Variants in PCDH15 observed in about 807,000 individuals in gnomAD.
PCDH15 encodes protocadherin related 15, also known as protocadherin-15.
PCDH15 carries 129 observed loss-of-function variants against 178.5 expected under a neutral mutation model. That is an observed-to-expected ratio of 0.72 (90% CI 0.63 to 0.84). The LOEUF is 0.84. Ranked by LOEUF, PCDH15 falls within the 40% of genes least tolerant of loss-of-function variation. The pLI is 0.00. For missense variants in PCDH15, 2,230 were observed against 2,099.9 expected (o/e 1.06, Z -1.21); for synonymous variants, 800 against 732.0 (o/e 1.09, Z -1.50).
At chr10:55,085,741 A>G (rs1445493439) in intron 2 of PCDH15, among the ~76,000 whole-genome samples, 2 of 151,896 alleles carry the variant, frequency 1.3e-5, no homozygotes, top group Non-Finnish European at 2.9e-5. Context: ...AATTGGTCTG[A>G]GCAAGTTTAG....
At chr10:54,614,475 AAAGTC>A (rs2093066578) in intron 2 of PCDH15, among the ~76,000 whole-genome samples, 1 of 152,094 alleles carries the variant, frequency 6.6e-6, no homozygotes, top group Non-Finnish European at 1.5e-5. Flanking sequence ...AAAGCTTTTC[AAAGTC>A]AAGTACTTTA....
intron 1 of PCDH15, among the ~76,000 whole-genome samples, chr10:55,255,238 TG>T (rs1841962029): frequency 3.9e-4 from 2 of 5,176 alleles, no homozygotes; most frequent in Non-Finnish European, 2.6e-3. Context: ...TTGCTGAGAA[TG>T]ATGATTTCCA....
intron 2 of PCDH15, among the ~76,000 whole-genome samples, chr10:55,099,707 C>T (rs1195300308): frequency 3.3e-5 from 5 of 151,714 alleles, no homozygotes; most frequent in African/African-American, 1.2e-4. Flanking sequence ...ATTTTCTGTT[C>T]ATGAAAAAAG....
intron 2 of PCDH15, among the ~76,000 whole-genome samples, chr10:54,641,536 A>C: frequency 6.6e-6 from 1 of 150,466 alleles, no homozygotes; most frequent in Non-Finnish European, 1.5e-5. Context: ...TTCCACTTCC[A>C]CTCCCCATTT....
intron 2 of PCDH15, among the ~76,000 whole-genome samples, chr10:54,595,483 G>T (rs1281492636): frequency 4.6e-5 from 7 of 152,138 alleles, no homozygotes; most frequent in African/African-American, 1.7e-4. Context: ...AGGAACACCA[G>T]CCCACAAAGA....
intron 1 of PCDH15, among the ~76,000 whole-genome samples, chr10:54,763,806 T>C (rs1948191306): frequency 1.3e-5 from 2 of 148,890 alleles, no homozygotes; most frequent in Admixed American, 1.3e-4. Flanking sequence ...ACAACTCTTA[T>C]GTATCCATTA....
At chr10:54,061,847 A>C (rs1242832648) in intron 18 of PCDH15, among the ~76,000 whole-genome samples, 1 of 152,160 alleles carries the variant, frequency 6.6e-6, no homozygotes, top group Non-Finnish European at 1.5e-5. Flanking sequence ...AATATGCTGG[A>C]TAAAACTTTT....
intron 2 of PCDH15, among the ~76,000 whole-genome samples, chr10:54,533,990 T>C (rs1186659061): frequency 6.6e-6 from 1 of 152,118 alleles, no homozygotes; most frequent in East Asian, 1.9e-4. Context: ...TTTAACCTCT[T>C]GTATTTCATT....
intron 29 of PCDH15, among the ~76,000 whole-genome samples, chr10:53,833,433 T>C (rs78364655): frequency 0.018 from 2,674 of 152,230 alleles, 90 homozygotes; most frequent in African/African-American, 0.062. Context: ...TTCTTTACTT[T>C]GTGTATTTAA....
At chr10:54,802,119 G>C (rs1183374122), upstream of PCDH15, among the ~76,000 whole-genome samples, 1 of 152,148 alleles carries the variant, frequency 6.6e-6, no homozygotes, top group Non-Finnish European at 1.5e-5. Flanking sequence ...AATGACAGGT[G>C]AAGACTATCA....
intron 1 of PCDH15, among the ~76,000 whole-genome samples, chr10:54,796,233 T>TCTAA (rs1564480867): frequency 5.6e-5 from 5 of 88,924 alleles, no homozygotes; most frequent in Non-Finnish European, 6.6e-5. Flanking sequence ...TATCTATCTA[T>TCTAA]CTATCTATCT....
intron 2 of PCDH15, among the ~76,000 whole-genome samples, chr10:54,958,405 T>G (rs748666910): frequency 5.9e-5 from 9 of 151,784 alleles, no homozygotes; most frequent in Admixed American, 1.3e-4. Context: ...AACAAATGCA[T>G]TCAAAGTCAC....
At chr10:54,205,507 G>GTGTGTGTGTGTGTGTGTA (rs2050709074) in intron 10 of PCDH15, among the ~76,000 whole-genome samples, 2 of 151,536 alleles carry the variant, frequency 1.3e-5, no homozygotes, top group Non-Finnish European at 2.9e-5. Context: ...GTGTGTGTGT[G>GTGTGTGTGTGTGTGTGTA]TGTGTGTGTA....
intron 1 of PCDH15, among the ~76,000 whole-genome samples, chr10:54,667,368 G>C (rs149639560): frequency 6.6e-6 from 1 of 151,852 alleles, no homozygotes; most frequent in African/African-American, 2.4e-5. Context: ...TAATGAAAAG[G>C]TACCTCCCAC....
At chr10:55,465,775 T>C (rs1227450815) in intron 2 of PCDH15, among the ~76,000 whole-genome samples, 5 of 152,188 alleles carry the variant, frequency 3.3e-5, no homozygotes, top group Non-Finnish European at 7.3e-5. Context: ...CTGACATTGA[T>C]TTTTTACCTA....
intron 2 of PCDH15, among the ~76,000 whole-genome samples, chr10:55,087,893 A>C (rs1354589957): frequency 1.3e-5 from 2 of 152,152 alleles, no homozygotes. Flanking sequence ...TACATGAGTG[A>C]ATTAGATTAA....
intron 1 of PCDH15, among the ~76,000 whole-genome samples, chr10:55,178,725 T>C (rs1447952468): frequency 6.6e-6 from 1 of 152,174 alleles, no homozygotes; most frequent in Non-Finnish European, 1.5e-5. Flanking sequence ...CTAAAGATCA[T>C]AAGTGTCAGT....
chr10:55,171,086 A>G (rs1241537736), intron 1 of PCDH15, among the ~76,000 whole-genome samples: 3 of 152,146 alleles, frequency 2.0e-5, no homozygotes, highest in African/African-American at 7.2e-5. Flanking sequence ...TCATTTCTAC[A>G]TATAATAATA....
intron 1 of PCDH15, among the ~76,000 whole-genome samples, chr10:55,315,009 G>A (rs1843687304): frequency 6.6e-6 from 1 of 151,972 alleles, no homozygotes. Context: ...ATACATCTGT[G>A]TACTTTGTTC....
Sources: allele counts gnomAD v4.1 joint callset (sites outside exome capture counted in the v4.1 genomes callset), GRCh38; gene constraint gnomAD v4.1.1; transcripts MANE v1.5; gene names NCBI Gene and HGNC (gene_info 2026-07-23, HGNC 2026-07-21).